The following PRMT6 variants were observed in gnomAD, a reference collection of about 807,000 sequenced individuals.
The protein encoded by PRMT6 is protein arginine methyltransferase 6.
PRMT6 carries 23 observed loss-of-function variants against 30.5 expected under a neutral mutation model. The ratio of observed to expected loss-of-function variants is 0.75; its 90% CI spans 0.54 to 1.07. The LOEUF (loss-of-function observed/expected upper bound fraction) is 1.07, where lower values mean the gene tolerates loss of function less well. Among genes scored for constraint, PRMT6 ranks in the 50% least tolerant of loss-of-function variants. The pLI, the probability that PRMT6 is intolerant of heterozygous loss-of-function variation, is 0.00. For synonymous variants in PRMT6, 265 were observed against 228.0 expected (o/e 1.16, Z -1.46); for missense variants, 528 against 514.3 (o/e 1.03, Z -0.26).
At position 107,057,530 on chromosome 1, in the gene PRMT6, G is replaced by A. The variant is rs1651757116; in HGVS notation, c.815G>A (p.Gly272Asp). The change falls in exon 1 of 1, where the codon GGC (glycine) becomes GAC (aspartate). Residue 272 changes from glycine to aspartate, a missense_variant. By Grantham distance (94) the Gly-to-Asp change is moderately conservative. Coordinates refer to ENST00000370078, the MANE Select transcript of PRMT6 (RefSeq NM_018137.3). ...GAGCAGGAGCTGGAGGCCGGAGTGGGCGGGCGCTTCCGCTGCAGCTGCTAT... is the reference window on the plus strand; with the variant it reads ...GAGCAGGAGCTGGAGGCCGGAGTGGACGGGCGCTTCCGCTGCAGCTGCTAT... ...GLEQELEAGVGGRFRCSCYGS... is the reference protein window; with the variant it reads ...GLEQELEAGVDGRFRCSCYGS... 6.2e-7 allele frequency: 1 copy of A among 1,613,476 alleles called. No individual in the cohort carries two copies. Among genetic ancestry groups the A allele is most frequent in the Non-Finnish European group, 8.5e-7 (1 of 1,179,900 alleles).
In PRMT6 at chr1:107,058,174, G is replaced by A; in HGVS notation, c.*331G>A. The A allele has an allele frequency of 2.5e-6, 1 of 401,166 alleles. No homozygotes were observed. Among genetic ancestry groups the A allele is most frequent in the Non-Finnish European group, 4.9e-6 (1 of 203,598 alleles). 24.9% of individuals were successfully genotyped at this position (401,166 alleles called of 1,614,324 possible). ...GAGGGGGAAGAACACGGATGAAAAT[G>A]TCAGTTTTTGAAGGGTCCATGCACA... On this transcript the variant is annotated 3_prime_UTR_variant, in exon 1 of 1. Transcript: ENST00000370078.
Position 107,057,386 on chromosome 1 carries a change from G to T in PRMT6, c.671G>T (p.Gly224Val). ...HYGVDMSCLE[G>V]FATRCLMGHS... The stretch of plus-strand genomic sequence containing the variant: ...GGTGTGGACATGAGCTGCCTGGAGG[G>T]CTTCGCCACGCGCTGTCTCATGGGC... Residue 224 changes from glycine (G) to valine (V), a missense_variant, in exon 1 of 1, where the codon GGC becomes GTC. By Grantham distance (109) the Gly-to-Val change is moderately radical (BLOSUM62 -3). Coordinates refer to ENST00000370078, the MANE Select transcript of PRMT6 (RefSeq NM_018137.3). The T allele has an allele frequency of 6.2e-7, 1 of 1,613,696 alleles. No individual in the cohort carries two copies. Among genetic ancestry groups the T allele is most frequent in the Non-Finnish European group, 8.5e-7 (1 of 1,180,040 alleles).
chr1:107,057,982 G>A lies in PRMT6; in HGVS notation c.*139G>A. 8.7e-7 allele frequency: 1 copy of A among 1,155,036 alleles called. No homozygotes were observed. Among genetic ancestry groups the A allele is most frequent in the Non-Finnish European group, 1.2e-6 (1 of 805,258 alleles). The allele number at this position is 1,155,036 out of a possible 1,614,324, so 71.5% of individuals were successfully genotyped here. On this transcript the variant is annotated 3_prime_UTR_variant, in exon 1 of 1. Coordinates refer to ENST00000370078, the MANE Select transcript of PRMT6 (RefSeq NM_018137.3). ...CCTTTTCCCTCATAGCCTCTAGGGA[G>A]GGAGAGTGACTTCATTCTCCATTTG...
Position 107,057,735 on chromosome 1 carries a change from G to A in PRMT6, c.1020G>A (p.Glu340=). 1 of 1,614,208 alleles carries A rather than the reference G, an allele frequency of 6.2e-7. No individual in the cohort carries two copies. Among genetic ancestry groups the A allele is most frequent in the Non-Finnish European group, 8.5e-7 (1 of 1,180,014 alleles). ...QVEQDTDVSG[E]ITLLPSRDNP... ...AGCAAGACACGGACGTTTCAGGAGA[G>A]ATCACGCTGCTGCCCTCCCGGGACA... Residue 340 remains glutamate, a synonymous_variant, in exon 1 of 1, where the codon GAG becomes GAA. Coordinates refer to ENST00000370078, the MANE Select transcript of PRMT6 (RefSeq NM_018137.3).
Position 107,057,892 on chromosome 1 carries a change from G to A in PRMT6, c.*49G>A, listed in dbSNP as rs1324936833. The A allele has an allele frequency of 1.9e-6, 3 of 1,552,322 alleles. No individual in the cohort carries two copies. Among genetic ancestry groups the A allele is most frequent in the South Asian group, 1.2e-5 (1 of 83,984 alleles). On this transcript the variant is annotated 3_prime_UTR_variant, in exon 1 of 1. Coordinates refer to ENST00000370078, the MANE Select transcript of PRMT6 (RefSeq NM_018137.3). ...CTCCCAAAGCAGCCTGACCTGCGTG[G>A]GAGAGGCGTAGCGAGGTCGGAGGGG...
chr1:107,058,343 G>A lies in PRMT6; in HGVS notation c.*500G>A, dbSNP rs958940418. On this transcript the variant is annotated 3_prime_UTR_variant, in exon 1 of 1. Coordinates refer to ENST00000370078, the MANE Select transcript of PRMT6 (RefSeq NM_018137.3). Reference sequence around the variant, plus strand: ...ATTAATTCCCCCTCCCTAGGTGCCTGTAGGCTATGGTACTTCTTCCTCATT... The same window carrying A: ...ATTAATTCCCCCTCCCTAGGTGCCTATAGGCTATGGTACTTCTTCCTCATT... The A allele has an allele frequency of 1.5e-5, 3 of 200,936 alleles. No individual in the cohort carries two copies. The highest frequency in any genetic ancestry group is 4.7e-5 in the African/African-American group (2 of 42,284). 12.4% of individuals were successfully genotyped at this position (200,936 alleles called of 1,614,324 possible). A position where few individuals can be genotyped will look rare whatever the true frequency, so the allele number is the denominator to read the frequency against.
At position 107,056,822 on chromosome 1, in the gene PRMT6, C is replaced by T; in HGVS notation, c.107C>T (p.Pro36Leu). ...GAGCGGGAGGCGGCCCTGGAGCGAC[C>T]CCGGAGGACTAAGCGGGAACGGGAC... Reference protein sequence around the residue: ...GAEREAALERPRRTKRERDQL... With the variant: ...GAEREAALERLRRTKRERDQL... The change falls in exon 1 of 1, where the codon CCC (proline) becomes CTC (leucine). Residue 36 changes from proline (P) to leucine (L), a missense_variant. Pro to Leu is a moderately conservative substitution (Grantham distance 98). Transcript: ENST00000370078. 5 of 1,602,126 alleles carry T rather than the reference C, an allele frequency of 3.1e-6. No homozygotes were observed. Among genetic ancestry groups the T allele is most frequent in the Admixed American group, 1.7e-5 (1 of 58,200 alleles).
rs1355505841 is a variant in PRMT6, at chr1:107,057,808, G to A, written c.1093G>A (p.Glu365Lys). 1.9e-6 allele frequency: 3 copies of A among 1,598,222 alleles called. No individual in the cohort carries two copies. Among genetic ancestry groups the A allele is most frequent in the Non-Finnish European group, 1.7e-6 (2 of 1,171,644 alleles). ...GCTGCGCTACAAAGTGGGAGACCAG[G>A]AGGAGAAGACCAAAGACTTTGCCAT... The part of the protein sequence containing the change: ...VLLRYKVGDQ[E>K]EKTKDFAMED The change falls in exon 1 of 1, where the codon GAG becomes AAG. Residue 365 changes from glutamate (E) to lysine (K), a missense_variant. Physicochemically the swap from Glu to Lys is moderately conservative, Grantham distance 56. Coordinates refer to ENST00000370078, the MANE Select transcript of PRMT6 (RefSeq NM_018137.3).
rs369781877 is a variant in PRMT6 at position 107,057,267 on chromosome 1, C to G, written c.552C>G (p.Leu184=). Residue 184 remains leucine, a synonymous_variant, in exon 1 of 1, where the codon CTC becomes CTG. Transcript: ENST00000370078. ...AGTGGCTGAAGGAGGGCGGTCTTCTCCTGCCGGCCTCCGCCGAGCTCTTCA... is the reference window on the plus strand; with the variant it reads ...AGTGGCTGAAGGAGGGCGGTCTTCTGCTGCCGGCCTCCGCCGAGCTCTTCA... ...RTKWLKEGGL[L]LPASAELFIA... 4.6e-4 allele frequency: 742 copies of G among 1,614,064 alleles called. 7 individuals are homozygous for G. Among genetic ancestry groups the G allele is most frequent in the Non-Finnish European group, 4.0e-5 (47 of 1,180,006 alleles).
At position 107,056,674 on chromosome 1, in the gene PRMT6, G is replaced by A. The variant is rs1222527611; in HGVS notation, c.-42G>A. ...GCCCCCGTTTCCTGGAGCCCGCGCC[G>A]TGCCGCGCTACGCCCGCCGGGAGCC... On this transcript the variant is annotated 5_prime_UTR_variant, in exon 1 of 1. In the 5' UTR this introduces an upstream ATG that the reference lacks. Coordinates refer to ENST00000370078, the MANE Select transcript of PRMT6 (RefSeq NM_018137.3). The A allele has an allele frequency of 2.1e-6, 3 of 1,459,176 alleles. No individual in the cohort carries two copies. The highest frequency in any genetic ancestry group is 1.4e-5 in the South Asian group (1 of 69,270). 90.4% of individuals were successfully genotyped at this position (1,459,176 alleles called of 1,614,324 possible).
Position 107,056,685 on chromosome 1 carries a change from C to G in PRMT6, c.-31C>G. ...CTGGAGCCCGCGCCGTGCCGCGCTA[C>G]GCCCGCCGGGAGCCGGGCAGAGCGG... On this transcript the variant is annotated 5_prime_UTR_variant, in exon 1 of 1. Transcript: ENST00000370078. 2.0e-6 allele frequency: 3 copies of G among 1,467,526 alleles called. No individual in the cohort carries two copies. The South Asian group carries it at 4.3e-5, about 21-fold the overall frequency. 90.9% of individuals were successfully genotyped at this position (1,467,526 alleles called of 1,614,324 possible). A position where few individuals can be genotyped will look rare whatever the true frequency, so the allele number is the denominator to read the frequency against.
rs1298059913 is a variant in PRMT6, at chr1:107,057,848, T to G, written c.*5T>G. ...GACTTTGCCATGGAGGACTGAGCGT[T>G]GCCTTTTCTCCCAGCTACCTCCCAA... On this transcript the variant is annotated 3_prime_UTR_variant, in exon 1 of 1. Transcript: ENST00000370078. The G allele has an allele frequency of 6.4e-7, 1 of 1,562,610 alleles. No individual in the cohort carries two copies. Among genetic ancestry groups the G allele is most frequent in the South Asian group, 1.2e-5 (1 of 85,416 alleles).
rs11555268 is a variant in PRMT6, at chr1:107,057,957, C to T, written c.*114C>T. The T allele has an allele frequency of 7.4e-3, 10,236 of 1,378,766 alleles. 76 individuals are homozygous for T. The highest frequency in any genetic ancestry group is 0.016 in the South Asian group (1,238 of 78,904). 85.4% of individuals were successfully genotyped at this position (1,378,766 alleles called of 1,614,324 possible). A position where few individuals can be genotyped will look rare whatever the true frequency, so the allele number is the denominator to read the frequency against. ...CGTGCAAGTAGGGGGAATATCTCCC[C>T]CTTTTCCCTCATAGCCTCTAGGGAG... On this transcript the variant is annotated 3_prime_UTR_variant, in exon 1 of 1. Coordinates refer to ENST00000370078, the MANE Select transcript of PRMT6 (RefSeq NM_018137.3).
chr1:107,057,872 A>G lies in PRMT6; in HGVS notation c.*29A>G, dbSNP rs1391146613. 11 of 1,553,810 alleles carry G rather than the reference A, an allele frequency of 7.1e-6. No homozygotes were observed. The highest frequency in any genetic ancestry group is 7.0e-6 in the Non-Finnish European group (8 of 1,148,004). ...TTGCCTTTTCTCCCAGCTACCTCCC[A>G]AAGCAGCCTGACCTGCGTGGGAGAG... On this transcript the variant is annotated 3_prime_UTR_variant, in exon 1 of 1. Transcript: ENST00000370078.
Position 107,058,365 on chromosome 1 carries a change from C to T in PRMT6, c.*522C>T, listed in dbSNP as rs529230368. On this transcript the variant is annotated 3_prime_UTR_variant, in exon 1 of 1. Coordinates refer to ENST00000370078, the MANE Select transcript of PRMT6 (RefSeq NM_018137.3). Reference sequence around the variant, plus strand: ...CCTGTAGGCTATGGTACTTCTTCCTCATTGTTTTCTAGGTAAACTTCACTA... The same window carrying T: ...CCTGTAGGCTATGGTACTTCTTCCTTATTGTTTTCTAGGTAAACTTCACTA... The T allele has an allele frequency of 1.0e-4, 19 of 190,800 alleles. No homozygotes were observed. In the South Asian group the frequency reaches 2.2e-3, roughly 22 times the overall value. 11.8% of individuals were successfully genotyped at this position (190,800 alleles called of 1,614,324 possible).
Position 107,057,501 on chromosome 1 carries a change from C to T in PRMT6, c.786C>T (p.Gly262=), listed in dbSNP as rs1227219703. Residue 262 remains glycine (G), a synonymous_variant, in exon 1 of 1, where the codon GGC becomes GGT. Coordinates refer to ENST00000370078, the MANE Select transcript of PRMT6 (RefSeq NM_018137.3). ...RFAQLELSRA[G]LEQELEAGVG... Reference sequence around the variant, plus strand: ...CTCAGCTAGAGCTCTCCCGCGCCGGCTTGGAGCAGGAGCTGGAGGCCGGAG... The same window carrying T: ...CTCAGCTAGAGCTCTCCCGCGCCGGTTTGGAGCAGGAGCTGGAGGCCGGAG... 3.7e-6 allele frequency: 6 copies of T among 1,613,178 alleles called. No individual in the cohort carries two copies. The highest frequency in any genetic ancestry group is 4.2e-6 in the Non-Finnish European group (5 of 1,179,794).
chr1:107,057,648 T>G lies in PRMT6; in HGVS notation c.933T>G (p.Pro311=). ...AACCCCTGGTGCTGTCCACCTCGCC[T>G]TTTCACCCGGCCACTCACTGGAAAC... The part of the protein sequence containing the change: ...SEKPLVLSTS[P]FHPATHWKQA... The change falls in exon 1 of 1, where the codon CCT becomes CCG. Residue 311 remains proline (P), a synonymous_variant. Coordinates refer to ENST00000370078, the MANE Select transcript of PRMT6 (RefSeq NM_018137.3). The G allele has an allele frequency of 6.2e-7, 1 of 1,614,178 alleles. No homozygotes were observed. The highest frequency in any genetic ancestry group is 2.2e-5 in the East Asian group (1 of 44,866).
rs1473041865 is a variant in PRMT6, at chr1:107,057,758, A to G, written c.1043A>G (p.Asp348Gly). The change falls in exon 1 of 1, where the codon GAC becomes GGC. Residue 348 changes from aspartate to glycine, a missense_variant. Physicochemically the swap from Asp to Gly is moderately conservative, Grantham distance 94 (BLOSUM62 -1). Transcript: ENST00000370078. ...SGEITLLPSR[D>G]NPRRLRVLLR... ...GAGATCACGCTGCTGCCCTCCCGGG[A>G]CAACCCCCGTCGCCTGCGCGTGCTG... The G allele has an allele frequency of 6.2e-6, 10 of 1,613,704 alleles. No homozygotes were observed. In the African/African-American group the frequency reaches 1.3e-4, roughly 22 times the overall value.
At position 107,057,656 on chromosome 1, in the gene PRMT6, C is replaced by T. The variant is rs976372679; in HGVS notation, c.941C>T (p.Pro314Leu). Residue 314 changes from proline to leucine, a missense_variant, in exon 1 of 1, where the codon CCG (proline) becomes CTG (leucine). Transcript: ENST00000370078. ...PLVLSTSPFH[P>L]ATHWKQALLY... ...GTGCTGTCCACCTCGCCTTTTCACC[C>T]GGCCACTCACTGGAAACAGGCGCTC... 23 of 1,614,238 alleles carry T rather than the reference C, an allele frequency of 1.4e-5. No individual in the cohort carries two copies. The highest frequency in any genetic ancestry group is 1.9e-5 in the Non-Finnish European group (22 of 1,180,044).
Sources: gnomAD v4.1 joint callset for allele counts on GRCh38, gnomAD v4.1.1 for gene constraint, MANE v1.5 for transcripts, NCBI Gene and HGNC (gene_info 2026-07-23, HGNC 2026-07-21) for gene names.